The following NRG1 variants were observed in gnomAD, a reference collection of about 807,000 sequenced individuals.
NRG1 encodes pro-neuregulin-1, membrane-bound isoform.
NRG1 carries 18 observed loss-of-function variants against 63.8 expected under a neutral mutation model. The ratio of observed to expected loss-of-function variants is 0.28; its 90% CI spans 0.19 to 0.42. The LOEUF is 0.42. Ranked by LOEUF, NRG1 falls within the 10% of genes least tolerant of loss-of-function variation. The pLI, the probability that NRG1 is intolerant of heterozygous loss-of-function variation, is 1.00. For synonymous variants in NRG1, 302 were observed against 301.3 expected (o/e 1.00, Z -0.02); for missense variants, 762 against 814.7 (o/e 0.94, Z 0.79).
chr8:31,731,854 A>G (rs1415774480), intron 1 of NRG1, among the ~76,000 whole-genome samples: 2 of 152,168 alleles, frequency 1.3e-5, no homozygotes, highest in Non-Finnish European at 2.9e-5. Flanking sequence ...TCATCACGTT[A>G]TTTGCAAGAC....
intron 1 of NRG1, among the ~76,000 whole-genome samples, chr8:31,671,925 A>G (rs1807194877): frequency 6.6e-6 from 1 of 152,196 alleles, no homozygotes; most frequent in African/African-American, 2.4e-5. Flanking sequence ...CAGCAATAAA[A>G]AAAGATAGCA....
chr8:32,724,529 GA>G (rs955559671), intron 5 of NRG1, among the ~76,000 whole-genome samples: 10 of 152,122 alleles, frequency 6.6e-5, no homozygotes, highest in African/African-American at 2.4e-4. Context: ...ACGGCACAGA[GA>G]AAAAATATCA....
intron 1 of NRG1, among the ~76,000 whole-genome samples, chr8:32,466,302 G>C (rs568489619): frequency 1.3e-5 from 2 of 150,924 alleles, no homozygotes; most frequent in Non-Finnish European, 2.9e-5. Flanking sequence ...AATCCAGCTT[G>C]AGTGACAGAG....
intron 1 of NRG1, among the ~76,000 whole-genome samples, chr8:32,318,169 A>G (rs1174501760): frequency 6.6e-6 from 1 of 152,222 alleles, no homozygotes; most frequent in Non-Finnish European, 1.5e-5. Context: ...TTAGGACTTT[A>G]TCGTAAGCTT....
chr8:32,450,915 G>T (rs1820874129), intron 1 of NRG1, among the ~76,000 whole-genome samples: 1 of 152,172 alleles, frequency 6.6e-6, no homozygotes, highest in South Asian at 2.1e-4. Flanking sequence ...GAAGGAGAGA[G>T]GAAGCTTCCC....
At chr8:32,558,242 G>A (rs562494464) in intron 1 of NRG1, among the ~76,000 whole-genome samples, 7 of 152,258 alleles carry the variant, frequency 4.6e-5, no homozygotes, top group East Asian at 1.9e-4. Flanking sequence ...TGTGCATGGC[G>A]TGGGGAAATG....
chr8:31,899,770 A>T (rs1312168477), intron 1 of NRG1, among the ~76,000 whole-genome samples: 1 of 152,214 alleles, frequency 6.6e-6, no homozygotes, highest in Non-Finnish European at 1.5e-5. Context: ...AAACACATAC[A>T]CACACTCAAT....
chr8:32,509,981 A>G (rs1828968119), intron 1 of NRG1, among the ~76,000 whole-genome samples: 1 of 151,966 alleles, frequency 6.6e-6, no homozygotes, highest in Non-Finnish European at 1.5e-5. Flanking sequence ...TAGTTTTTGG[A>G]ATTTTTTTTG....
chr8:31,688,843 C>T (rs916830655), intron 1 of NRG1, among the ~76,000 whole-genome samples: 3 of 152,100 alleles, frequency 2.0e-5, no homozygotes, highest in African/African-American at 7.2e-5. Context: ...TGGCTTAAAG[C>T]AACACAAATT....
At chr8:32,754,575 A>AT (rs777353421) in intron 8 of NRG1, 101 bp downstream of exon 8, 64 of 1,068,480 alleles carry the variant, frequency 6.0e-5, no homozygotes, top group African/African-American at 7.9e-5. Flanking sequence ...AGTCTTGGGG[A>AT]TAAAAAAAAA....
At position 32,280,172 on chromosome 8, in the gene NRG1, G is replaced by C. The variant is rs754383319; in HGVS notation, c.38-315656G>C. On this transcript the variant is annotated intron_variant, in intron 1 of 10. Transcript: ENST00000519301. ...AAGTTACAGAGTTTTAGAATAGAAT[G>C]TAAGTGTGAAGCTCGATAAATTCAA... Among the ~76,000 whole-genome samples, 33 of 152,352 alleles carry C rather than the reference G, an allele frequency of 2.2e-4. 1 individual carries two copies. The highest frequency in any genetic ancestry group is 2.6e-4 in the Non-Finnish European group (18 of 68,038).
intron 1 of NRG1, among the ~76,000 whole-genome samples, chr8:32,127,829 G>A (rs749002206): frequency 6.6e-6 from 1 of 151,724 alleles, no homozygotes; most frequent in African/African-American, 2.4e-5. Flanking sequence ...GGGAAGCTGA[G>A]GTAAAAGGAT....
intron 1 of NRG1, among the ~76,000 whole-genome samples, chr8:32,074,367 T>C (rs1283976885): frequency 6.6e-6 from 1 of 152,202 alleles, no homozygotes; most frequent in Non-Finnish European, 1.5e-5. Context: ...ATGATTAGAA[T>C]TGTAGAAGCT....
chr8:32,186,582 G>A (rs1384974214), intron 1 of NRG1, among the ~76,000 whole-genome samples: 1 of 152,174 alleles, frequency 6.6e-6, no homozygotes, highest in Non-Finnish European at 1.5e-5. Context: ...TGCTGCTGGT[G>A]GCACACTGGA....
chr8:31,799,651 G>T (rs971489678), intron 1 of NRG1, among the ~76,000 whole-genome samples: 8 of 151,540 alleles, frequency 5.3e-5, no homozygotes, highest in Admixed American at 1.3e-4. Context: ...GTCTTATTTT[G>T]CACTTTTATG....
chr8:32,437,185 A>G (rs146467453), intron 1 of NRG1, among the ~76,000 whole-genome samples: 2 of 152,110 alleles, frequency 1.3e-5, no homozygotes, highest in East Asian at 3.9e-4. Flanking sequence ...ACACCTACCT[A>G]CCTACCTACC....
chr8:32,417,025 C>T (rs1270646676), intron 1 of NRG1, among the ~76,000 whole-genome samples: 1 of 152,076 alleles, frequency 6.6e-6, no homozygotes, highest in East Asian at 1.9e-4. Context: ...TTTGAATATC[C>T]TGGTGAGAGG....
chr8:31,810,041 C>G (rs1176877429), intron 1 of NRG1, among the ~76,000 whole-genome samples: 1 of 152,018 alleles, frequency 6.6e-6, no homozygotes, highest in Non-Finnish European at 1.5e-5. Context: ...TGATGGTACC[C>G]TTCACCCTGT....
intron 1 of NRG1, among the ~76,000 whole-genome samples, chr8:31,791,233 G>C (rs1158030118): frequency 6.7e-6 from 1 of 149,478 alleles, no homozygotes; most frequent in South Asian, 2.1e-4. Flanking sequence ...AAGAAAAAAA[G>C]AAGAGATAGT....
Sources: gnomAD v4.1 joint callset for allele counts (sites outside exome capture counted in the v4.1 genomes callset) on GRCh38, gnomAD v4.1.1 for gene constraint, MANE v1.5 for transcripts, NCBI Gene and HGNC (gene_info 2026-07-23, HGNC 2026-07-21) for gene names.